The following CCSER2 variants were observed in gnomAD, a reference collection of about 807,000 sequenced individuals.
CCSER2 encodes the protein serine-rich coiled-coil domain-containing protein 2.
A neutral mutation model predicts 92.3 loss-of-function variants in CCSER2; 46 were observed. The observed-to-expected ratio is 0.50, with a 90% CI of 0.39 to 0.64. The LOEUF is 0.64. Ranked by LOEUF, CCSER2 falls within the 30% of genes least tolerant of loss-of-function variation. The pLI, the probability that CCSER2 is intolerant of heterozygous loss-of-function variation, is 0.00. For missense variants in CCSER2, 1,244 were observed against 1,238.9 expected (o/e 1.00, Z -0.06); for synonymous variants, 433 against 431.4 (o/e 1.00, Z -0.04).
intron 7 of CCSER2, among the ~76,000 whole-genome samples, chr10:84,468,550 A>G (rs1447155112): frequency 2.0e-5 from 3 of 152,256 alleles, no homozygotes; most frequent in Non-Finnish European, 4.4e-5. Context: ...AGCAAGTGCT[A>G]TATACATGCT....
At chr10:84,435,600 T>A (rs1252043472) in intron 5 of CCSER2, among the ~76,000 whole-genome samples, 1 of 145,952 alleles carries the variant, frequency 6.9e-6, no homozygotes, top group Non-Finnish European at 1.5e-5. Flanking sequence ...TAAAAAAAAT[T>A]CTAGTGGGTA....
chr10:84,403,592 T>C (rs957052815), intron 3 of CCSER2, among the ~76,000 whole-genome samples: 4 of 152,110 alleles, frequency 2.6e-5, no homozygotes, highest in Non-Finnish European at 5.9e-5. Flanking sequence ...CAATACAAAA[T>C]ATCAGCAATT....
chr10:84,509,550 C>T (rs377524051), intron 9 of CCSER2, among the ~76,000 whole-genome samples: 38 of 152,276 alleles, frequency 2.5e-4, no homozygotes, highest in African/African-American at 7.7e-4. Context: ...ACGCATGGAA[C>T]TCTTTAATCT....
chr10:84,491,112 G>T (rs1410515504), intron 9 of CCSER2, among the ~76,000 whole-genome samples: 2 of 152,210 alleles, frequency 1.3e-5, no homozygotes. Context: ...CTTCGTCTCA[G>T]ATGGGTACCC....
intron 1 of CCSER2, among the ~76,000 whole-genome samples, chr10:84,329,172 A>G (rs1021729778): frequency 4.6e-5 from 7 of 152,062 alleles, no homozygotes; most frequent in African/African-American, 1.7e-4. Flanking sequence ...TCCCCGAATG[A>G]GTTCGATTTT....
Position 84,464,023 on chromosome 10 carries a change from CTA to C in CCSER2, c.2148+9_2148+10del. 1 of 1,527,062 alleles carries C rather than the reference CTA, an allele frequency of 6.5e-7. No homozygotes were observed. The highest frequency in any genetic ancestry group is 9.0e-7 in the Non-Finnish European group (1 of 1,110,420). 94.6% of individuals were successfully genotyped at this position (1,527,062 alleles called of 1,614,324 possible). On this transcript the variant is annotated splice_region_variant and intron_variant, in intron 7 of 9. Transcript: ENST00000372088. ...TGGTGATAAAGTATATAAGGTATGA[CTA>C]TGTAGTCATGCTGGATTTTTCAAAA...
At chr10:84,510,444 C>T (rs562960021) in intron 9 of CCSER2, among the ~76,000 whole-genome samples, 20 of 152,274 alleles carry the variant, frequency 1.3e-4, no homozygotes, top group African/African-American at 4.1e-4. Flanking sequence ...TCCTCAAGCA[C>T]AGGAACAAAG....
chr10:84,494,402 G>A (rs765835878), intron 9 of CCSER2, among the ~76,000 whole-genome samples: 9 of 152,128 alleles, frequency 5.9e-5, no homozygotes, highest in South Asian at 2.1e-4. Flanking sequence ...TGTTTTATCG[G>A]CAGGGTCTTT....
At position 84,514,147 on chromosome 10, in the gene CCSER2, C is replaced by T. The variant is rs1285437689; in HGVS notation, c.3024C>T (p.Ser1008=). 2.6e-6 allele frequency: 4 copies of T among 1,536,178 alleles called. No individual in the cohort carries two copies. The Admixed American group carries it at 5.9e-5, about 23-fold the overall frequency. The stretch of plus-strand genomic sequence containing the variant: ...CTCAAAGCTTCCAGGCCAAGACAAG[C>T]ATCCCAAGGCCACTAACACAACGAA... ...LEPQSFQAKT[S]IPRPLTQRKE... Residue 1008 remains serine, a synonymous_variant, in exon 10 of 10, where the codon AGC becomes AGT. Transcript: ENST00000372088.
chr10:84,476,435 C>CTT (rs35978182), intron 8 of CCSER2, among the ~76,000 whole-genome samples: 2,636 of 58,610 alleles, frequency 0.045, 393 homozygotes, highest in Admixed American at 0.086. Flanking sequence ...AATTCTCTCT[C>CTT]TTTTTTTTTT....
intron 3 of CCSER2, chr10:84,391,929 A>AT (rs150561175): frequency 0.084 from 113,396 of 1,346,014 alleles, 5,393 homozygotes; most frequent in Non-Finnish European, 0.095. Context: ...TCAGAGACAC[A>AT]TTCGGTGTAA....
rs1227142293 is a variant in CCSER2 at position 84,518,176 on chromosome 10, G to A, written c.*3909G>A. The A allele has an allele frequency of 6.6e-6, 1 of 152,148 alleles. No homozygotes were observed. Among genetic ancestry groups the A allele is most frequent in the Non-Finnish European group, 1.5e-5 (1 of 68,030 alleles). 9.4% of individuals were successfully genotyped at this position (152,148 alleles called of 1,614,324 possible). A position where few individuals can be genotyped will look rare whatever the true frequency, so the allele number is the denominator to read the frequency against. On this transcript the variant is annotated 3_prime_UTR_variant, in exon 10 of 10. Transcript: ENST00000372088. ...GTTTTTGCTGCAGCAATTTGAGAGAGTACTTTTGATTAAATGATTCTGATG... is the reference window on the plus strand; with the variant it reads ...GTTTTTGCTGCAGCAATTTGAGAGAATACTTTTGATTAAATGATTCTGATG...
At chr10:84,507,061 T>G (rs1208856377) in intron 9 of CCSER2, among the ~76,000 whole-genome samples, 2 of 152,224 alleles carry the variant, frequency 1.3e-5, no homozygotes, top group Non-Finnish European at 2.9e-5. Context: ...TTATGAGTAT[T>G]TGTACTAACT....
At chr10:84,418,087 T>C (rs1022811940) in intron 4 of CCSER2, among the ~76,000 whole-genome samples, 2 of 152,238 alleles carry the variant, frequency 1.3e-5, no homozygotes, top group Non-Finnish European at 2.9e-5. Flanking sequence ...TAACATTGTA[T>C]ACCATAAAGT....
At chr10:84,486,957 C>T (rs1279006661) in intron 9 of CCSER2, among the ~76,000 whole-genome samples, 3 of 152,192 alleles carry the variant, frequency 2.0e-5, no homozygotes, top group Admixed American at 6.5e-5. Context: ...CAGCTTTCTA[C>T]ATATGGCTAG....
At chr10:84,445,298 C>T (rs996661109) in intron 6 of CCSER2, among the ~76,000 whole-genome samples, 1 of 152,054 alleles carries the variant, frequency 6.6e-6, no homozygotes, top group Non-Finnish European at 1.5e-5. Flanking sequence ...GGACTACAGG[C>T]GCCCGCCACC....
intron 3 of CCSER2, among the ~76,000 whole-genome samples, chr10:84,379,440 T>C (rs1267747684): frequency 6.6e-6 from 1 of 152,114 alleles, no homozygotes; most frequent in African/African-American, 2.4e-5. Flanking sequence ...CTACTTTTCT[T>C]TAGTTTAATT....
intron 3 of CCSER2, chr10:84,391,439 G>T (rs144450204): frequency 6.4e-7 from 1 of 1,556,678 alleles, no homozygotes; most frequent in African/African-American, 1.4e-5. Flanking sequence ...GAGTTATTTT[G>T]CCCTGTTAGG....
intron 3 of CCSER2, among the ~76,000 whole-genome samples, chr10:84,411,798 A>G (rs1224283547): frequency 2.0e-5 from 3 of 152,148 alleles, no homozygotes; most frequent in African/African-American, 7.2e-5. Flanking sequence ...AATACCTTTC[A>G]TTTCTTTCTC....
Sources: allele counts gnomAD v4.1 joint callset (sites outside exome capture counted in the v4.1 genomes callset), GRCh38; gene constraint gnomAD v4.1.1; transcripts MANE v1.5; gene names NCBI Gene and HGNC (gene_info 2026-07-23, HGNC 2026-07-21).